ZBTB16: variants seen among roughly 807,000 people sequenced by gnomAD.
ZBTB16 encodes zinc finger and BTB domain containing 16.
A neutral mutation model predicts 56.8 loss-of-function variants in ZBTB16; 8 were observed. The observed-to-expected ratio is 0.14, with a 90% CI of 0.08 to 0.25. ZBTB16 has a LOEUF of 0.25. ZBTB16 is among the 10% of genes least tolerant of loss of function. The pLI is 1.00. For synonymous variants in ZBTB16, 363 were observed against 368.5 expected (o/e 0.98, Z 0.17); for missense variants, 625 against 903.0 (o/e 0.69, Z 3.95).
intron 5 of ZBTB16, among the ~76,000 whole-genome samples, chr11:114,244,785 A>T (rs1944781116): frequency 6.6e-6 from 1 of 152,030 alleles, no homozygotes; most frequent in Non-Finnish European, 1.5e-5. Context: ...CTCTGTCTTA[A>T]CCCTTTGTTT....
At chr11:114,163,491 G>A (rs923510398) in intron 3 of ZBTB16, among the ~76,000 whole-genome samples, 6 of 152,046 alleles carry the variant, frequency 3.9e-5, no homozygotes, top group East Asian at 1.9e-4. Context: ...TGCTGGGTGC[G>A]ATGCTGGCCC....
chr11:114,137,429 G>T (rs1941828281), intron 2 of ZBTB16, among the ~76,000 whole-genome samples: 1 of 152,168 alleles, frequency 6.6e-6, no homozygotes, highest in Non-Finnish European at 1.5e-5. Flanking sequence ...GCCACCAATG[G>T]CACTTCCCGT....
At chr11:114,212,356 C>T (rs1281108818) in intron 4 of ZBTB16, among the ~76,000 whole-genome samples, 1 of 152,058 alleles carries the variant, frequency 6.6e-6, no homozygotes, top group African/African-American at 2.4e-5. Flanking sequence ...TGTGCCTCTC[C>T]CCCTCCCCCA....
At chr11:114,086,653 C>T (rs1939966716) in intron 2 of ZBTB16, among the ~76,000 whole-genome samples, 1 of 152,182 alleles carries the variant, frequency 6.6e-6, no homozygotes, top group Non-Finnish European at 1.5e-5. Flanking sequence ...TGCATTAACA[C>T]ATCCCATCCT....
chr11:114,113,733 C>G (rs1941088432), intron 2 of ZBTB16, among the ~76,000 whole-genome samples: 1 of 152,204 alleles, frequency 6.6e-6, no homozygotes, highest in African/African-American at 2.4e-5. Flanking sequence ...TCTACTTTGA[C>G]TACTGCTGTC....
intron 4 of ZBTB16, among the ~76,000 whole-genome samples, chr11:114,212,537 T>C (rs576746761): frequency 2.0e-5 from 3 of 152,308 alleles, no homozygotes; most frequent in South Asian, 4.1e-4. Context: ...ATGAAGAAAC[T>C]GAGCCTTGAC....
intron 2 of ZBTB16, among the ~76,000 whole-genome samples, chr11:114,142,862 G>A (rs776692617): frequency 6.6e-6 from 1 of 152,116 alleles, no homozygotes; most frequent in Admixed American, 6.6e-5. Context: ...CCATCGGGAG[G>A]TGGGCTTTCC....
chr11:114,074,174 T>A, intron 2 of ZBTB16, among the ~76,000 whole-genome samples: 1 of 152,220 alleles, frequency 6.6e-6, no homozygotes, highest in Admixed American at 6.5e-5. Flanking sequence ...GCTTCTCTCA[T>A]GACCCCAGCC....
At chr11:114,227,144 C>G (rs531001) in intron 4 of ZBTB16, among the ~76,000 whole-genome samples, 134,183 of 152,204 alleles carry the variant, frequency 0.88, 59,258 homozygotes, top group East Asian at 0.98. Context: ...TGCAGCAAGG[C>G]GATACTGCTT....
intron 4 of ZBTB16, among the ~76,000 whole-genome samples, chr11:114,215,726 A>G (rs1944082072): frequency 6.6e-6 from 1 of 152,224 alleles, no homozygotes. Context: ...GGGCACATAT[A>G]TAGATGCCCT....
intron 3 of ZBTB16, among the ~76,000 whole-genome samples, chr11:114,181,764 G>A (rs992732402): frequency 2.6e-5 from 4 of 152,182 alleles, no homozygotes; most frequent in African/African-American, 7.2e-5. Flanking sequence ...GCTGTGGTTA[G>A]CAAGGGTCTA....
intron 3 of ZBTB16, among the ~76,000 whole-genome samples, chr11:114,184,225 C>A (rs1672536525): frequency 6.6e-6 from 1 of 152,198 alleles, no homozygotes; most frequent in South Asian, 2.1e-4. Context: ...AGTCGATACC[C>A]CCAGAGGACC....
intron 3 of ZBTB16, among the ~76,000 whole-genome samples, chr11:114,177,313 C>T (rs1219111978): frequency 6.6e-6 from 1 of 152,112 alleles, no homozygotes; most frequent in Non-Finnish European, 1.5e-5. Flanking sequence ...TGCAGTGGTG[C>T]GATCTCGGCT....
chr11:114,159,970 G>A (rs920035951), intron 3 of ZBTB16, among the ~76,000 whole-genome samples: 5 of 138,758 alleles, frequency 3.6e-5, no homozygotes, highest in Non-Finnish European at 4.6e-5. Flanking sequence ...TTCAAAAGGC[G>A]CAGGCTGTGG....
At chr11:114,228,212 A>T (rs638914) in intron 4 of ZBTB16, among the ~76,000 whole-genome samples, 134,276 of 152,288 alleles carry the variant, frequency 0.88, 59,304 homozygotes, top group East Asian at 0.98. Flanking sequence ...TGTAATATAG[A>T]AATATGTGTG....
chr11:114,124,847 G>C (rs1941460371), intron 2 of ZBTB16, among the ~76,000 whole-genome samples: 3 of 152,222 alleles, frequency 2.0e-5, no homozygotes, highest in African/African-American at 7.2e-5. Flanking sequence ...GTGGAGTGCA[G>C]CACGAGGGTG....
At chr11:114,239,624 C>T (rs1944660669) in intron 4 of ZBTB16, among the ~76,000 whole-genome samples, 1 of 152,216 alleles carries the variant, frequency 6.6e-6, no homozygotes, top group Non-Finnish European at 1.5e-5. Flanking sequence ...GCTGAGTAGA[C>T]TACTCAGCAT....
intron 2 of ZBTB16, among the ~76,000 whole-genome samples, chr11:114,132,298 G>T (rs1218497088): frequency 6.6e-6 from 1 of 152,128 alleles, no homozygotes; most frequent in Non-Finnish European, 1.5e-5. Context: ...ACCTCTGGCA[G>T]GGGCTCATTA....
chr11:114,227,349 A>T (rs1944348043), intron 4 of ZBTB16, among the ~76,000 whole-genome samples: 3 of 152,234 alleles, frequency 2.0e-5, no homozygotes, highest in African/African-American at 7.2e-5. Flanking sequence ...GGAGGATGTC[A>T]TGCTGACGGA....
Sources: gnomAD v4.1 joint callset for allele counts (sites outside exome capture counted in the v4.1 genomes callset) on GRCh38, gnomAD v4.1.1 for gene constraint, MANE v1.5 for transcripts, NCBI Gene and HGNC (gene_info 2026-07-23, HGNC 2026-07-21) for gene names.